GALNT14: variants seen among roughly 807,000 people sequenced by gnomAD.
The protein encoded by GALNT14 is UDP-GalNAc:polypeptide N-acetylgalactosaminyltransferase 14.
Under a neutral mutation model 77.5 loss-of-function variants are expected in GALNT14, and 60 were observed. The ratio of observed to expected loss-of-function variants is 0.77; its 90% confidence interval spans 0.63 to 0.96. The LOEUF is 0.96. Ranked by LOEUF, GALNT14 falls within the 40% of genes least tolerant of loss-of-function variation. GALNT14 has a pLI of 0.00. For synonymous variants in GALNT14, 280 were observed against 281.7 expected (o/e 0.99, Z 0.06); for missense variants, 710 against 731.0 (o/e 0.97, Z 0.33).
intron 9 of GALNT14, among the ~76,000 whole-genome samples, chr2:30,938,359 T>TACACACACACACAC (rs151007812): frequency 7.1e-6 from 1 of 140,972 alleles, no homozygotes; most frequent in South Asian, 2.4e-4. Context: ...AGATTCCTTT[T>TACACACACACACAC]ACACACACAC....
At chr2:30,938,788 C>T (rs1404846404) in intron 9 of GALNT14, among the ~76,000 whole-genome samples, 1 of 152,220 alleles carries the variant, frequency 6.6e-6, no homozygotes, top group Non-Finnish European at 1.5e-5. Flanking sequence ...GTCACAGACA[C>T]TCTGGCCAGA....
intron 6 of GALNT14, among the ~76,000 whole-genome samples, chr2:30,949,564 T>C (rs1216783973): frequency 6.6e-6 from 1 of 151,984 alleles, no homozygotes; most frequent in Non-Finnish European, 1.5e-5. Flanking sequence ...TCCACCCAAC[T>C]CCTACCCAAC....
chr2:30,987,232 C>A (rs1160343338), intron 2 of GALNT14, among the ~76,000 whole-genome samples: 1 of 152,146 alleles, frequency 6.6e-6, no homozygotes, highest in Admixed American at 6.5e-5. Context: ...GTTTCCATCT[C>A]AACAGTGAAG....
chr2:30,963,660 A>C (rs58558228), intron 3 of GALNT14, among the ~76,000 whole-genome samples: 6,801 of 152,264 alleles, frequency 0.045, 403 homozygotes, highest in East Asian at 0.26. Context: ...AGAATTAGAA[A>C]CATGAAAGAT....
chr2:31,086,899 G>T (rs1383428267), intron 1 of GALNT14, among the ~76,000 whole-genome samples: 2 of 152,132 alleles, frequency 1.3e-5, no homozygotes, highest in East Asian at 1.9e-4. Context: ...CCAAGCACCT[G>T]CTAGGATGGA....
At chr2:31,078,807 C>A (rs1254060288) in intron 1 of GALNT14, 2 of 717,940 alleles carry the variant, frequency 2.8e-6, no homozygotes, top group South Asian at 1.7e-5. Context: ...CACAGGCACA[C>A]AAGATGAAGG....
At chr2:30,905,973 C>T (rs1457544064), downstream of GALNT14, among the ~76,000 whole-genome samples, 294 of 149,912 alleles carry the variant, frequency 2.0e-3, no homozygotes, top group Middle Eastern at 0.014. Flanking sequence ...GCTTCATAAG[C>T]GAAGGAGAAA....
intron 1 of GALNT14, among the ~76,000 whole-genome samples, chr2:31,122,710 GT>G (rs1367476539): frequency 2.6e-5 from 4 of 151,952 alleles, no homozygotes; most frequent in Non-Finnish European, 5.9e-5. Context: ...TTCTATAAAT[GT>G]TTCTATAAAC....
intron 1 of GALNT14, among the ~76,000 whole-genome samples, chr2:31,087,734 T>C (rs116471405): frequency 1.7e-3 from 255 of 152,304 alleles, no homozygotes; most frequent in African/African-American, 4.8e-3. Context: ...AAGATTCAGA[T>C]GAAAGCACAT....
At position 31,003,686 on chromosome 2, in the gene GALNT14, A is replaced by C. The variant is rs138048071; in HGVS notation, c.130-10679T>G. ...CATTACAACTTTGGGGGAAGCTTCC[A>C]GCTTTCTGGAAGAAGAAAAGTTCCA... On this transcript the variant is annotated intron_variant, in intron 1 of 14. Coordinates refer to ENST00000349752, the MANE Select transcript of GALNT14 (RefSeq NM_024572.4). 1.3e-4 allele frequency among the ~76,000 whole-genome samples: 20 copies of C among 152,354 alleles called. No homozygotes were observed. In the East Asian group the frequency reaches 3.7e-3, roughly 28 times the overall value.
At chr2:30,917,025 T>C (rs1225549464) in intron 13 of GALNT14, among the ~76,000 whole-genome samples, 1 of 131,738 alleles carries the variant, frequency 7.6e-6, no homozygotes, top group Non-Finnish European at 1.5e-5. Flanking sequence ...TGCAGTGAGC[T>C]GAGATCATGC....
At chr2:31,128,135 A>T (rs947862939) in intron 1 of GALNT14, among the ~76,000 whole-genome samples, 15 of 152,206 alleles carry the variant, frequency 9.9e-5, no homozygotes, top group Middle Eastern at 6.8e-3. Context: ...CGCTTTCCTA[A>T]GTTTAACCAC....
chr2:30,924,916 G>T, intron 11 of GALNT14, 93 bp from the exon 12 acceptor site: 1 of 952,732 alleles, frequency 1.0e-6, no homozygotes. Flanking sequence ...AGAACACAAA[G>T]CGCGACCCAT....
chr2:31,020,085 C>T (rs1365144636), intron 1 of GALNT14, among the ~76,000 whole-genome samples: 1 of 152,146 alleles, frequency 6.6e-6, no homozygotes, highest in Non-Finnish European at 1.5e-5. Context: ...TTATCTCAGC[C>T]ATGTGGCCCC....
chr2:31,057,129 T>C lies in GALNT14; in HGVS notation c.130-64122A>G, dbSNP rs373884003. On this transcript the variant is annotated intron_variant, in intron 1 of 14. Coordinates refer to ENST00000349752, the MANE Select transcript of GALNT14 (RefSeq NM_024572.4). ...AACAATAGACACTGGGGACTACTAC[T>C]AGACAGGAGAAGGAGGGAGGGGACA... 1.9e-4 allele frequency among the ~76,000 whole-genome samples: 29 copies of C among 151,698 alleles called. 2 individuals carry two copies. Among genetic ancestry groups the C allele is most frequent in the African/African-American group, 4.6e-4 (19 of 41,336 alleles).
intron 1 of GALNT14, among the ~76,000 whole-genome samples, chr2:31,034,636 G>A (rs1672603570): frequency 6.6e-6 from 1 of 151,924 alleles, no homozygotes; most frequent in Admixed American, 6.6e-5. Context: ...TTTAGATTTA[G>A]TTTAGTTTGC....
the GALNT14 span, among the ~76,000 whole-genome samples, chr2:30,892,002 C>T: frequency 1.0e-3 from 156 of 152,278 alleles, 1 homozygote; most frequent in African/African-American, 3.2e-3. Context: ...AAACCAAGAG[C>T]GAACACCTAC....
At chr2:31,094,799 G>T (rs1676921935) in intron 1 of GALNT14, among the ~76,000 whole-genome samples, 2 of 152,178 alleles carry the variant, frequency 1.3e-5, no homozygotes. Context: ...GAGGGGCAGG[G>T]AATAGAGTAG....
chr2:31,087,326 T>C (rs1676480097), intron 1 of GALNT14, among the ~76,000 whole-genome samples: 1 of 152,190 alleles, frequency 6.6e-6, no homozygotes. Flanking sequence ...CAAGTGGAAA[T>C]GTTGACACAG....
Sources: gnomAD v4.1 joint callset for allele counts (sites outside exome capture counted in the v4.1 genomes callset) on GRCh38, gnomAD v4.1.1 for gene constraint, MANE v1.5 for transcripts, NCBI Gene and HGNC (gene_info 2026-07-23, HGNC 2026-07-21) for gene names.